The following PRKDC variants were observed in gnomAD, a reference collection of about 807,000 sequenced individuals.
PRKDC encodes the protein DNA-dependent protein kinase catalytic subunit.
Under a neutral mutation model 486.9 loss-of-function variants are expected in PRKDC, and 82 were observed. That is an observed-to-expected ratio of 0.17 (90% CI 0.14 to 0.20). PRKDC has a LOEUF of 0.20. Among genes scored for constraint, PRKDC ranks in the 10% least tolerant of loss-of-function variants. The pLI is 1.00. For missense variants in PRKDC, 4,504 were observed against 5,038.2 expected (o/e 0.89, Z 3.21); for synonymous variants, 1,895 against 1,837.0 (o/e 1.03, Z -0.81).
At chr8:47,778,038 A>G (rs998835951) in intron 83 of PRKDC, among the ~76,000 whole-genome samples, 164 bp from the exon 84 acceptor site, 1 of 152,184 alleles carries the variant, frequency 6.6e-6, no homozygotes. Flanking sequence ...TATGCTCGAG[A>G]GTAACCCCCT....
At chr8:47,826,564 T>C (rs2154499215) in intron 63 of PRKDC, 92 bp downstream of exon 63, 3 of 1,263,962 alleles carry the variant, frequency 2.4e-6, no homozygotes, top group East Asian at 2.5e-5. Context: ...TCAACTTTAT[T>C]AGCTCATTTT....
Position 47,935,867 on chromosome 8 carries a change from G to T in PRKDC, c.1312C>A (p.Leu438Ile), listed in dbSNP as rs1324484032. The T allele has an allele frequency of 2.5e-6, 4 of 1,613,750 alleles. No homozygotes were observed. The African/African-American group carries it at 5.3e-5, about 22-fold the overall frequency. ...PEVYTPVLEHLVVMQIDSFPQ... is the reference protein window; with the variant it reads ...PEVYTPVLEHIVVMQIDSFPQ... ...AAACTGTCTATCTGCATCACCACGA[G>T]GTGCTCCAGAACTGGAGTATACACC... The change falls in exon 13 of 86, where the codon CTC becomes ATC. Residue 438 changes from leucine to isoleucine, a missense_variant. Physicochemically the swap from Leu to Ile is conservative, Grantham distance 5. Coordinates refer to ENST00000314191, the MANE Select transcript of PRKDC (RefSeq NM_006904.7).
chr8:47,915,193 T>G, intron 23 of PRKDC, 135 bp downstream of exon 23: 1 of 541,638 alleles, frequency 1.8e-6, no homozygotes, highest in Non-Finnish European at 3.1e-6. Context: ...GGCAAGATAT[T>G]ATTCTTTATA....
chr8:47,901,343 G>A (rs538978085), intron 27 of PRKDC, among the ~76,000 whole-genome samples: 60 of 151,640 alleles, frequency 4.0e-4, no homozygotes, highest in South Asian at 3.8e-3. Flanking sequence ...GCGTAGTGGC[G>A]GGCGCCTGTA....
In PRKDC at chr8:47,943,403, G is replaced by A. The variant is rs774433511; in HGVS notation, c.809-37C>T. 3.0e-5 allele frequency: 47 copies of A among 1,556,288 alleles called. No homozygotes were observed. The Middle Eastern group carries it at 5.1e-4, about 17-fold the overall frequency. On this transcript the variant is annotated intron_variant, in intron 9 of 85. Coordinates refer to ENST00000314191, the MANE Select transcript of PRKDC (RefSeq NM_006904.7). Reference sequence around the variant, plus strand: ...AATGCCATTATATTTAAAATCAGACGACATAACACAGAACAGAAAACCAAC... The same window carrying A: ...AATGCCATTATATTTAAAATCAGACAACATAACACAGAACAGAAAACCAAC...
intron 68 of PRKDC, among the ~76,000 whole-genome samples, chr8:47,815,059 G>C (rs1276304647): frequency 6.6e-6 from 1 of 152,162 alleles, no homozygotes; most frequent in African/African-American, 2.4e-5. Context: ...CCAGCTACTT[G>C]AGAGGCTGAA....
intron 13 of PRKDC, among the ~76,000 whole-genome samples, 180 bp from the exon 14 acceptor site, chr8:47,935,238 A>G (rs1309867785): frequency 6.6e-6 from 1 of 152,188 alleles, no homozygotes; most frequent in East Asian, 1.9e-4. Context: ...GCGGTGGCTC[A>G]TGCCTGTAAT....
chr8:47,862,200 A>G, intron 43 of PRKDC, 73 bp from the exon 44 acceptor site: 2 of 1,415,772 alleles, frequency 1.4e-6, no homozygotes, highest in South Asian at 2.6e-5. Flanking sequence ...CTTTAGAATT[A>G]ATGCTATGTA....
rs577881268 is a variant in PRKDC at position 47,899,895 on chromosome 8, AAT to A, written c.3364+476_3364+477del. 3.2e-4 allele frequency among the ~76,000 whole-genome samples: 49 copies of A among 152,350 alleles called. 3 individuals are homozygous for A. The South Asian group carries it at 9.9e-3, about 31-fold the overall frequency. ...AGCTATTTTAGCCTACTTCTGACTTAATATCTTTATAATATTCCTTCATCATG... is the reference window on the plus strand; with the variant it reads ...AGCTATTTTAGCCTACTTCTGACTTAATCTTTATAATATTCCTTCATCATG... On this transcript the variant is annotated intron_variant, in intron 28 of 85. Transcript: ENST00000314191.
rs762534386 is a variant in PRKDC at position 47,774,382 on chromosome 8, A to T, written c.12183-5T>A. ...TGACCCAGGAGTAGCTCATCACTGG[A>T]AAAAAAACAAACACAGAAAACACAA... On this transcript the variant is annotated splice_polypyrimidine_tract_variant and splice_region_variant and intron_variant, in intron 85 of 85. Transcript: ENST00000314191. 1 of 1,608,468 alleles carries T rather than the reference A, an allele frequency of 6.2e-7. No individual in the cohort carries two copies. Among genetic ancestry groups the T allele is most frequent in the African/African-American group, 1.3e-5 (1 of 74,850 alleles).
At position 47,927,282 on chromosome 8, in the gene PRKDC, T is replaced by G; in HGVS notation, c.2331A>C (p.Ser777=). 1 of 1,613,748 alleles carries G rather than the reference T, an allele frequency of 6.2e-7. No individual in the cohort carries two copies. Among genetic ancestry groups the G allele is most frequent in the Non-Finnish European group, 8.5e-7 (1 of 1,179,708 alleles). ...EVGLNALEEW[S]IYIDRHVMQP... ...GCATTACATGTCTGTCAATATAAAT[T>G]GACCATTCTTCTAGAGCATTCAGGC... The change falls in exon 21 of 86, where the codon TCA becomes TCC. Residue 777 remains serine, a synonymous_variant. Coordinates refer to ENST00000314191, the MANE Select transcript of PRKDC (RefSeq NM_006904.7).
At position 47,788,950 on chromosome 8, in the gene PRKDC, G is replaced by A; in HGVS notation, c.10858C>T (p.Pro3620Ser). 6.2e-7 allele frequency: 1 copy of A among 1,611,622 alleles called. No homozygotes were observed. Among genetic ancestry groups the A allele is most frequent in the Non-Finnish European group, 8.5e-7 (1 of 1,179,018 alleles). Reference sequence around the variant, plus strand: ...AAGGCCCCCAGGCCTGGAGCCTTTGGGTCACCCAAGGCTGCATACATTCTT... The same window carrying A: ...AAGGCCCCCAGGCCTGGAGCCTTTGAGTCACCCAAGGCTGCATACATTCTT... Reference protein sequence around the residue: ...YERMYAALGDPKAPGLGAFRR... With the variant: ...YERMYAALGDSKAPGLGAFRR... The change falls in exon 76 of 86, where the codon CCA (proline) becomes TCA (serine). Residue 3620 changes from proline (P) to serine (S), a missense_variant. By Grantham distance (74) the Pro-to-Ser change is moderately conservative (BLOSUM62 -1). Transcript: ENST00000314191.
rs1182917213 is a variant in PRKDC at position 47,853,958 on chromosome 8, T to C, written c.6893+125A>G. ...TTAGAATTACAGGCATGAGCCACCG[T>C]GCCTGGCCCAGAAACATTTGTAGCA... On this transcript the variant is annotated intron_variant, in intron 51 of 85. Coordinates refer to ENST00000314191, the MANE Select transcript of PRKDC (RefSeq NM_006904.7). 7 of 1,270,384 alleles carry C rather than the reference T, an allele frequency of 5.5e-6. No homozygotes were observed. In the East Asian group the frequency reaches 1.5e-4, roughly 28 times the overall value. 78.7% of individuals were successfully genotyped at this position (1,270,384 alleles called of 1,614,324 possible).
At chr8:47,955,745 C>T in intron 4 of PRKDC, 129 bp downstream of exon 4, 4 of 664,888 alleles carry the variant, frequency 6.0e-6, no homozygotes, top group South Asian at 4.8e-5. Flanking sequence ...GTGCATCTTA[C>T]CCACACATCA....
intron 65 of PRKDC, among the ~76,000 whole-genome samples, 152 bp downstream of exon 65, chr8:47,821,452 A>G (rs2087593170): frequency 6.6e-6 from 1 of 152,260 alleles, no homozygotes; most frequent in African/African-American, 2.4e-5. Flanking sequence ...GAGATTTAAC[A>G]ATACTATGGG....
At chr8:47,806,786 C>T (rs1474646000) in intron 69 of PRKDC, among the ~76,000 whole-genome samples, 2 of 152,192 alleles carry the variant, frequency 1.3e-5, no homozygotes, top group African/African-American at 2.4e-5. Flanking sequence ...TAACAGCTAA[C>T]AATCATTTTG....
intron 40 of PRKDC, among the ~76,000 whole-genome samples, chr8:47,870,235 A>AGTGCT (rs1004867810): frequency 2.0e-5 from 3 of 152,220 alleles, no homozygotes; most frequent in Non-Finnish European, 1.5e-5. Context: ...AGTGAGACCC[A>AGTGCT]GTGCTGTGCT....
At chr8:47,783,713 G>C (rs752978436) in intron 78 of PRKDC, 29 bp downstream of exon 78, 1 of 1,612,136 alleles carries the variant, frequency 6.2e-7, no homozygotes, top group Non-Finnish European at 8.5e-7. Flanking sequence ...CATCAGGACA[G>C]GGACTGGGTC....
intron 25 of PRKDC, among the ~76,000 whole-genome samples, chr8:47,908,261 T>C (rs1469665390): frequency 1.3e-5 from 2 of 152,376 alleles, no homozygotes; most frequent in Middle Eastern, 3.4e-3. Flanking sequence ...TACAAAACGG[T>C]TGACTATTTT....
Sources: gnomAD v4.1 joint callset for allele counts (sites outside exome capture counted in the v4.1 genomes callset) on GRCh38, gnomAD v4.1.1 for gene constraint, MANE v1.5 for transcripts, NCBI Gene and HGNC (gene_info 2026-07-23, HGNC 2026-07-21) for gene names.